AK9: variants seen among roughly 807,000 people sequenced by gnomAD.
The protein encoded by AK9 is adenylate kinase 9.
A neutral mutation model predicts 239.6 loss-of-function variants in AK9; 191 were observed. That is an observed-to-expected ratio of 0.80 (90% CI 0.71 to 0.90). The LOEUF is 0.90. Among genes scored for constraint, AK9 ranks in the 40% least tolerant of loss-of-function variants. AK9 has a pLI of 0.00. For synonymous variants in AK9, 689 were observed against 721.0 expected, an observed-to-expected ratio of 0.96 and a Z score of 0.71; for missense variants, 1,995 against 2,214.7, an observed-to-expected ratio of 0.90 and a Z score of 1.99.
intron 5 of AK9, among the ~76,000 whole-genome samples, chr6:109,669,787 G>A (rs1231427771): frequency 3.3e-5 from 5 of 152,156 alleles, no homozygotes. Context: ...ATTTAGCCGA[G>A]TGCTAGGTTC....
At chr6:109,685,882 G>A (rs1773439366) in intron 1 of AK9, among the ~76,000 whole-genome samples, 1 of 152,158 alleles carries the variant, frequency 6.6e-6, no homozygotes, top group Non-Finnish European at 1.5e-5. Context: ...TATTTCTCCA[G>A]TCTTGCTTTT....
chr6:109,686,839 A>C lies in AK9; in HGVS notation c.-12+4308T>G, dbSNP rs149250399. ...ATGAGCTGGTTATGTCAGACAAGTCAAGTCCTAAAGTCAGGCAGGCACTGC... is the reference window on the plus strand; with the variant it reads ...ATGAGCTGGTTATGTCAGACAAGTCCAGTCCTAAAGTCAGGCAGGCACTGC... On this transcript the variant is annotated intron_variant, in intron 1 of 40. Transcript: ENST00000424296. Among the ~76,000 whole-genome samples the C allele has an allele frequency of 5.3e-3, 804 of 152,352 alleles. 9 individuals are homozygous for C. Among genetic ancestry groups the C allele is most frequent in the African/African-American group, 0.019 (777 of 41,586 alleles).
intron 27 of AK9, among the ~76,000 whole-genome samples, chr6:109,535,732 GT>G: frequency 6.6e-6 from 1 of 152,232 alleles, no homozygotes; most frequent in East Asian, 1.9e-4. Flanking sequence ...GGTTTTTATG[GT>G]TTTAGGTCTA....
chr6:109,562,739 G>A (rs1033841259), intron 24 of AK9, among the ~76,000 whole-genome samples: 5 of 105,454 alleles, frequency 4.7e-5, no homozygotes, highest in African/African-American at 8.2e-5. Context: ...AATGCTCTGT[G>A]AATTGGGAGG....
At chr6:109,588,229 C>T (rs1019926201) in intron 17 of AK9, among the ~76,000 whole-genome samples, 1 of 152,126 alleles carries the variant, frequency 6.6e-6, no homozygotes. Context: ...CGCCACCATG[C>T]CTGGCTAATT....
At chr6:109,512,680 T>C (rs1778875575) in intron 32 of AK9, among the ~76,000 whole-genome samples, 1 of 152,206 alleles carries the variant, frequency 6.6e-6, no homozygotes, top group South Asian at 2.1e-4. Flanking sequence ...ATGTATCCTA[T>C]ATCTGCCCTT....
At chr6:109,665,409 TAGAC>T (rs1801043611) in intron 5 of AK9, among the ~76,000 whole-genome samples, 1 of 152,208 alleles carries the variant, frequency 6.6e-6, no homozygotes, top group Admixed American at 6.5e-5. Context: ...TAAAAAAATG[TAGAC>T]ACTGCCTGCA....
Position 109,564,122 on chromosome 6 carries a change from T to G in AK9, c.2593A>C (p.Thr865Pro). ...KILNLEIADR[T>P]PQELLQKVVE... Reference sequence around the variant, plus strand: ...ACTTTTTGAAGTAATTCCTGTGGAGTTCTGTCAGCAATCTCCAAGTTTAAA... The same window carrying G: ...ACTTTTTGAAGTAATTCCTGTGGAGGTCTGTCAGCAATCTCCAAGTTTAAA... The change falls in exon 23 of 41, where the codon ACT (threonine) becomes CCT (proline). Residue 865 changes from threonine (T) to proline (P), a missense_variant. Physicochemically the swap from Thr to Pro is conservative, Grantham distance 38. Coordinates refer to ENST00000424296, the MANE Select transcript of AK9 (RefSeq NM_001145128.3). The G allele has an allele frequency of 1.3e-6, 2 of 1,551,332 alleles. No individual in the cohort carries two copies. Among genetic ancestry groups the G allele is most frequent in the Non-Finnish European group, 1.7e-6 (2 of 1,146,862 alleles).
At chr6:109,548,281 A>G (rs9374096) in intron 25 of AK9, among the ~76,000 whole-genome samples, 108,322 of 152,048 alleles carry the variant, frequency 0.71, 39,072 homozygotes, top group East Asian at 0.99. Flanking sequence ...GTTATAACAT[A>G]TCTGAACAGG....
intron 10 of AK9, among the ~76,000 whole-genome samples, chr6:109,633,835 A>G (rs1336240893): frequency 2.0e-5 from 3 of 152,236 alleles, no homozygotes; most frequent in Non-Finnish European, 2.9e-5. Context: ...TTCATCAGCA[A>G]TCCTTTCTGT....
intron 27 of AK9, among the ~76,000 whole-genome samples, chr6:109,534,765 C>T (rs938993037): frequency 6.6e-6 from 1 of 152,062 alleles, no homozygotes; most frequent in African/African-American, 2.4e-5. Context: ...CACTCCCCAC[C>T]CCACAACAGG....
intron 3 of AK9, among the ~76,000 whole-genome samples, chr6:109,673,039 C>A (rs1295265643): frequency 6.6e-6 from 1 of 152,124 alleles, no homozygotes; most frequent in Non-Finnish European, 1.5e-5. Context: ...ATGTATCATT[C>A]CTTGATAGAG....
chr6:109,586,027 C>T lies in AK9; in HGVS notation c.1888G>A (p.Gly630Arg). 1 of 1,551,194 alleles carries T rather than the reference C, an allele frequency of 6.4e-7. No homozygotes were observed. The highest frequency in any genetic ancestry group is 8.7e-7 in the Non-Finnish European group (1 of 1,146,842). The change falls in exon 18 of 41, where the codon GGA becomes AGA. Residue 630 changes from glycine (G) to arginine (R), a missense_variant. This residue lies in a region of AK9 where 1,290 missense variants were observed against 1,392.7 expected (regional missense o/e 0.93). Coordinates refer to ENST00000424296, the MANE Select transcript of AK9 (RefSeq NM_001145128.3). ...GGGCAGTTGTCCACAATCCAGCCTC[C>T]ATATTTTGGGGCACCAGGAAACCTA... The part of the protein sequence containing the change: ...KDRFPGAPKY[G>R]GWIVDNCPIV...
intron 30 of AK9, 91 bp from the exon 31 acceptor site, chr6:109,516,166 C>G: frequency 8.9e-7 from 1 of 1,117,776 alleles, no homozygotes; most frequent in Non-Finnish European, 1.3e-6. Context: ...TGGTGACTGA[C>G]TACTTCAGTC....
chr6:109,555,587 A>T (rs1488370667), intron 24 of AK9, among the ~76,000 whole-genome samples: 1 of 152,020 alleles, frequency 6.6e-6, no homozygotes, highest in Non-Finnish European at 1.5e-5. Context: ...TGTCTCAATG[A>T]TCTAATACTG....
At chr6:109,665,534 G>C (rs558741646) in intron 5 of AK9, among the ~76,000 whole-genome samples, 72 of 152,282 alleles carry the variant, frequency 4.7e-4, no homozygotes, top group African/African-American at 1.7e-3. Flanking sequence ...TTGCTCTTGT[G>C]AGTCTAGCTT....
At chr6:109,582,620 A>C (rs1402210492) in intron 19 of AK9, among the ~76,000 whole-genome samples, 1 of 152,214 alleles carries the variant, frequency 6.6e-6, no homozygotes, top group African/African-American at 2.4e-5. Context: ...CTTGAGATGG[A>C]ATCTATTCTT....
At chr6:109,671,334 G>C (rs924495749) in intron 5 of AK9, among the ~76,000 whole-genome samples, 13 of 152,150 alleles carry the variant, frequency 8.5e-5, no homozygotes, top group African/African-American at 3.1e-4. Context: ...TTTTGCAGAG[G>C]TATTAGAGTT....
intron 17 of AK9, among the ~76,000 whole-genome samples, chr6:109,607,778 T>TGTGTGA (rs1477913696): frequency 2.6e-5 from 4 of 151,180 alleles, no homozygotes; most frequent in Non-Finnish European, 5.9e-5. Context: ...GGTGTGTGTG[T>TGTGTGA]GTGTGTGTGT....
Sources: allele counts gnomAD v4.1 joint callset (sites outside exome capture counted in the v4.1 genomes callset), GRCh38; gene constraint gnomAD v4.1.1; regional missense constraint gnomAD v4.1.1; transcripts MANE v1.5; gene names NCBI Gene and HGNC (gene_info 2026-07-23, HGNC 2026-07-21).